TMED3: variants seen among roughly 807,000 people sequenced by gnomAD.
TMED3 encodes transmembrane p24 trafficking protein 3.
TMED3 carries 9 observed loss-of-function variants against 15.0 expected under a neutral mutation model. The observed-to-expected ratio is 0.60, with a 90% confidence interval of 0.36 to 1.04. The LOEUF is 1.04. Ranked by LOEUF, TMED3 falls within the 50% of genes least tolerant of loss-of-function variation. The pLI is 0.01. For synonymous variants in TMED3, 117 were observed against 121.4 expected, an observed-to-expected ratio of 0.96 and a Z score of 0.24; for missense variants, 267 against 278.9, an observed-to-expected ratio of 0.96 and a Z score of 0.30.
At chr15:79,325,713 CCTTCAGT>C (rs1332286249), downstream of TMED3, among the ~76,000 whole-genome samples, 6 of 152,138 alleles carry the variant, frequency 3.9e-5, no homozygotes, top group African/African-American at 1.4e-4. Flanking sequence ...AACAGTGCAG[CCTTCAGT>C]CTGTGGCCAG....
chr15:79,320,489 C>T (rs539368632), intron 2 of TMED3, among the ~76,000 whole-genome samples: 3 of 152,102 alleles, frequency 2.0e-5, no homozygotes, highest in Admixed American at 6.5e-5. Context: ...GGTGGCTTGC[C>T]GCCCACAGGA....
chr15:79,337,991 G>A (rs1338104567), intron 2 of TMED3, among the ~76,000 whole-genome samples: 1 of 152,138 alleles, frequency 6.6e-6, no homozygotes, highest in Non-Finnish European at 1.5e-5. Context: ...TCCCAATAAA[G>A]CAACATGAAA....
intron 2 of TMED3, among the ~76,000 whole-genome samples, chr15:79,314,325 C>T (rs928415800): frequency 6.6e-6 from 1 of 152,194 alleles, no homozygotes; most frequent in Non-Finnish European, 1.5e-5. Flanking sequence ...ATATGATGTG[C>T]CTGTATCATA....
chr15:79,383,167 A>T, intron 2 of TMED3: 1 of 726,550 alleles, frequency 1.4e-6, no homozygotes, highest in Non-Finnish European at 2.3e-6. Context: ...TCTCACCTGC[A>T]CCAGTTATTG....
chr15:79,399,924 C>A (rs533244479), intron 2 of TMED3, among the ~76,000 whole-genome samples: 21 of 152,308 alleles, frequency 1.4e-4, no homozygotes, highest in African/African-American at 4.8e-4. Context: ...CACTGACAGC[C>A]AATGACCCTC....
At chr15:79,353,190 T>TATTATATATAAAATAC (rs1373529043) in intron 2 of TMED3, among the ~76,000 whole-genome samples, 1 of 53,260 alleles carries the variant, frequency 1.9e-5, no homozygotes, top group Admixed American at 3.3e-4. Context: ...ATAAAATATA[T>TATTATATATAAAATAC]ATAATATATA....
At chr15:79,397,101 CTG>C (rs765341608) in intron 2 of TMED3, among the ~76,000 whole-genome samples, 1 of 152,178 alleles carries the variant, frequency 6.6e-6, no homozygotes, top group Non-Finnish European at 1.5e-5. Flanking sequence ...AACCATGACA[CTG>C]TTTCTCATTT....
intron 2 of TMED3, among the ~76,000 whole-genome samples, chr15:79,393,244 C>T (rs1047880186): frequency 1.3e-5 from 2 of 152,084 alleles, no homozygotes; most frequent in Admixed American, 6.5e-5. Context: ...TATTTCTAGG[C>T]CTAGATTCCA....
intron 2 of TMED3, among the ~76,000 whole-genome samples, chr15:79,381,438 A>G (rs1355317758): frequency 6.6e-6 from 1 of 152,200 alleles, no homozygotes; most frequent in Admixed American, 6.5e-5. Flanking sequence ...ACTTAGCAAA[A>G]CAGGATGAAG....
intron 2 of TMED3, among the ~76,000 whole-genome samples, chr15:79,348,984 G>A (rs1202295587): frequency 6.6e-6 from 1 of 152,002 alleles, no homozygotes; most frequent in African/African-American, 2.4e-5. Flanking sequence ...CACTACAGGT[G>A]CACACCACCA....
At chr15:79,380,733 A>T (rs1893518939) in intron 2 of TMED3, among the ~76,000 whole-genome samples, 1 of 151,980 alleles carries the variant, frequency 6.6e-6, no homozygotes, top group East Asian at 1.9e-4. Flanking sequence ...ACTCTACAAT[A>T]TATCCAAATT....
At chr15:79,356,366 G>A (rs2058918803) in intron 2 of TMED3, among the ~76,000 whole-genome samples, 1 of 152,044 alleles carries the variant, frequency 6.6e-6, no homozygotes, top group Admixed American at 6.6e-5. Flanking sequence ...GAACAATGTT[G>A]GCACATAAAA....
intron 2 of TMED3, among the ~76,000 whole-genome samples, chr15:79,344,454 G>C (rs746224689): frequency 2.6e-5 from 4 of 152,106 alleles, no homozygotes; most frequent in Non-Finnish European, 5.9e-5. Flanking sequence ...CAGGATTCTG[G>C]TGGCCCCAGG....
Position 79,339,859 on chromosome 15 carries a change from T to A in TMED3, c.417+25854T>A, listed in dbSNP as rs183787162. On this transcript the variant is annotated intron_variant, in intron 2 of 2. Transcript: ENST00000424155. Reference sequence around the variant, plus strand: ...GTGATGATGGTGGTGATTAGGATGATGGTGGTGATGATGGTAGTGGTGATG... The same window carrying A: ...GTGATGATGGTGGTGATTAGGATGAAGGTGGTGATGATGGTAGTGGTGATG... Among the ~76,000 whole-genome samples the A allele has an allele frequency of 3.3e-5, 5 of 150,634 alleles. No individual in the cohort carries two copies. In the East Asian group the frequency reaches 9.8e-4, roughly 29 times the overall value.
intron 2 of TMED3, among the ~76,000 whole-genome samples, chr15:79,317,012 G>A (rs930598698): frequency 6.6e-6 from 1 of 152,142 alleles, no homozygotes; most frequent in African/African-American, 2.4e-5. Flanking sequence ...TGTGATTCTT[G>A]GGGATGATTC....
intron 1 of TMED3, among the ~76,000 whole-genome samples, chr15:79,311,700 C>T (rs907379484): frequency 6.6e-6 from 1 of 152,080 alleles, no homozygotes; most frequent in Non-Finnish European, 1.5e-5. Context: ...GGGAGCTGGC[C>T]AAAGAGATAT....
chr15:79,353,575 T>TACACACACAC lies in TMED3; in HGVS notation c.417+39594_417+39603dup, dbSNP rs55929180. ...GATTTTAACCACTGGGGGTTAAAAA[T>TACACACACAC]ACACACACACACACACACACACACA... On this transcript the variant is annotated intron_variant, in intron 2 of 2. Coordinates refer to the TMED3 transcript ENST00000424155. 8.4e-3 allele frequency among the ~76,000 whole-genome samples: 1,144 copies of TACACACACAC among 135,584 alleles called. 11 individuals carry two copies. The highest frequency in any genetic ancestry group is 0.022 in the African/African-American group (787 of 36,190). The allele number at this position is 135,584 out of a possible 152,430, so 88.9% of individuals were successfully genotyped here. A position where few individuals can be genotyped will look rare whatever the true frequency, so the allele number is the denominator to read the frequency against.
At chr15:79,339,821 AGTG>A (rs754666112) in intron 2 of TMED3, among the ~76,000 whole-genome samples, 16 of 146,738 alleles carry the variant, frequency 1.1e-4, no homozygotes, top group African/African-American at 3.0e-4. Flanking sequence ...ATGTGATGGT[AGTG>A]GTGATGGTGG....
chr15:79,400,681 A>C (rs142816406), intron 2 of TMED3, among the ~76,000 whole-genome samples: 1 of 152,362 alleles, frequency 6.6e-6, no homozygotes, highest in East Asian at 1.9e-4. Context: ...TATAACAATT[A>C]TCTCATTTAA....
Sources: allele counts gnomAD v4.1 joint callset (sites outside exome capture counted in the v4.1 genomes callset), GRCh38; gene constraint gnomAD v4.1.1; transcripts MANE v1.5; gene names NCBI Gene and HGNC (gene_info 2026-07-23, HGNC 2026-07-21).